The following PNO1 variants were observed in gnomAD, a reference collection of about 807,000 sequenced individuals.
PNO1 encodes RNA-binding protein PNO1.
Under a neutral mutation model 28.4 loss-of-function variants are expected in PNO1, and 16 were observed. That is an observed-to-expected ratio of 0.56 (90% CI 0.38 to 0.85). PNO1 has a LOEUF of 0.85. PNO1 is among the 40% of genes least tolerant of loss of function. The pLI is 0.00. For missense variants in PNO1, 304 were observed against 312.2 expected (o/e 0.97, Z 0.20); for synonymous variants, 115 against 110.8 (o/e 1.04, Z -0.24).
chr2:68,166,907 C>T (rs1674009794), intron 5 of PNO1, among the ~76,000 whole-genome samples: 1 of 152,186 alleles, frequency 6.6e-6, no homozygotes, highest in South Asian at 2.1e-4. Flanking sequence ...CTTGATTTCT[C>T]CGTGATCCAT....
At chr2:68,158,988 ATTTG>A (rs906052929) in intron 2 of PNO1, among the ~76,000 whole-genome samples, 1 of 152,152 alleles carries the variant, frequency 6.6e-6, no homozygotes, top group African/African-American at 2.4e-5. Flanking sequence ...GTATGTGTAT[ATTTG>A]TTTATATATT....
chr2:68,175,267 T>C lies in PNO1; in HGVS notation c.*465T>C, dbSNP rs1373351375. The C allele has an allele frequency of 1.3e-5, 2 of 152,510 alleles. No individual in the cohort carries two copies. The highest frequency in any genetic ancestry group is 2.4e-5 in the African/African-American group (1 of 41,424). The allele number at this position is 152,510 out of a possible 1,614,324, so 9.4% of individuals were successfully genotyped here. Reference sequence around the variant, plus strand: ...TTAATACTGGGTGATGTGTGAATATTTGTTTGTTGGCAGACAGGGTCTCAC... The same window carrying C: ...TTAATACTGGGTGATGTGTGAATATCTGTTTGTTGGCAGACAGGGTCTCAC... On this transcript the variant is annotated 3_prime_UTR_variant, in exon 7 of 7. Transcript: ENST00000263657.
Position 68,157,929 on chromosome 2 carries a change from C to T in PNO1, c.-6C>T, listed in dbSNP as rs754129314. On this transcript the variant is annotated 5_prime_UTR_variant, in exon 1 of 7. Coordinates refer to ENST00000263657, the MANE Select transcript of PNO1 (RefSeq NM_020143.4). ...TTCAGCCGGCAGCGCTTTAAGATTTCCGGGGATGGAATCCGAAATGGAAAC... is the reference window on the plus strand; with the variant it reads ...TTCAGCCGGCAGCGCTTTAAGATTTTCGGGGATGGAATCCGAAATGGAAAC... 1.2e-4 allele frequency: 194 copies of T among 1,613,354 alleles called. No homozygotes were observed. The highest frequency in any genetic ancestry group is 1.6e-4 in the Non-Finnish European group (189 of 1,179,690).
rs971826600 is a variant in PNO1 at position 68,161,908 on chromosome 2, G to C, written c.441+142G>C. 4 of 633,596 alleles carry C rather than the reference G, an allele frequency of 6.3e-6. No individual in the cohort carries two copies. In the Admixed American group the frequency reaches 1.1e-4, roughly 18 times the overall value. 39.2% of individuals were successfully genotyped at this position (633,596 alleles called of 1,614,324 possible). ...TCAGCACTCTGGGAGGCTGAGGCAG[G>C]TGGATCACTTGAGGCCAGGAGTTCA... On this transcript the variant is annotated intron_variant, in intron 3 of 6. Transcript: ENST00000263657.
chr2:68,169,808 C>T (rs1442950231), intron 5 of PNO1, among the ~76,000 whole-genome samples: 1 of 152,168 alleles, frequency 6.6e-6, no homozygotes, highest in East Asian at 1.9e-4. Context: ...CTTAGCTCCT[C>T]TCTGGGTTTT....
chr2:68,163,561 A>G (rs1007486853), intron 5 of PNO1, among the ~76,000 whole-genome samples: 4 of 150,854 alleles, frequency 2.7e-5, no homozygotes, highest in Non-Finnish European at 5.9e-5. Context: ...ACATACATAC[A>G]TACATACATA....
chr2:68,163,207 A>G (rs948695547), intron 5 of PNO1, among the ~76,000 whole-genome samples: 3 of 152,222 alleles, frequency 2.0e-5, no homozygotes, highest in Non-Finnish European at 2.9e-5. Flanking sequence ...AGGAAATGCT[A>G]TTAAAAGAAA....
rs772269231 is a variant in PNO1, at chr2:68,173,329, T to TC, written c.621-17dup. The stretch of plus-strand genomic sequence containing the variant: ...ATTGCATCCCAGCCACTAATTTGTC[T>TC]CATTTTATTTCTTTCAGGAAAGTTC... On this transcript the variant is annotated splice_polypyrimidine_tract_variant and intron_variant, in intron 5 of 6. Coordinates refer to ENST00000263657, the MANE Select transcript of PNO1 (RefSeq NM_020143.4). The TC allele has an allele frequency of 6.5e-7, 1 of 1,528,632 alleles. No individual in the cohort carries two copies. The highest frequency in any genetic ancestry group is 2.3e-5 in the East Asian group (1 of 44,372). The allele number at this position is 1,528,632 out of a possible 1,614,324, so 94.7% of individuals were successfully genotyped here.
intron 5 of PNO1, among the ~76,000 whole-genome samples, chr2:68,171,327 C>A (rs1002927802): frequency 2.0e-4 from 31 of 152,350 alleles, no homozygotes; most frequent in African/African-American, 7.5e-4. Flanking sequence ...ATGCTTTCTG[C>A]GTGCATTCTG....
rs567443809 is a variant in PNO1, at chr2:68,173,523, G to A, written c.691+106G>A. 2.7e-4 allele frequency: 183 copies of A among 678,296 alleles called. 1 individual carries two copies. In the South Asian group the frequency reaches 3.1e-3, roughly 11 times the overall value. 42.0% of individuals were successfully genotyped at this position (678,296 alleles called of 1,614,324 possible). ...GCAATTTAGGGTAATATTAAAGATC[G>A]CAAGTAGAAACCCTTGGGAGTTGGC... On this transcript the variant is annotated intron_variant, in intron 6 of 6. Coordinates refer to ENST00000263657, the MANE Select transcript of PNO1 (RefSeq NM_020143.4).
chr2:68,158,256 G>T, intron 1 of PNO1, 115 bp downstream of exon 1: 1 of 1,372,428 alleles, frequency 7.3e-7, no homozygotes, highest in Non-Finnish European at 1.0e-6. Context: ...GATGCTCAGA[G>T]AGAAGTGATT....
At chr2:68,162,999 TTGTATG>T (rs1255415177) in intron 5 of PNO1, among the ~76,000 whole-genome samples, 1 of 152,080 alleles carries the variant, frequency 6.6e-6, no homozygotes, top group African/African-American at 2.4e-5. Flanking sequence ...AACAGAATGG[TTGTATG>T]TGTATTTGAA....
intron 5 of PNO1, among the ~76,000 whole-genome samples, chr2:68,168,662 A>G (rs1558620994): frequency 6.6e-6 from 1 of 152,126 alleles, no homozygotes; most frequent in East Asian, 1.9e-4. Flanking sequence ...CTTGTTTACA[A>G]TTTGATATCT....
chr2:68,170,657 A>C (rs997760410), intron 5 of PNO1, among the ~76,000 whole-genome samples: 3 of 149,174 alleles, frequency 2.0e-5, no homozygotes, highest in Non-Finnish European at 4.4e-5. Flanking sequence ...CTGAGGCAGG[A>C]GAATGGCGAG....
intron 5 of PNO1, among the ~76,000 whole-genome samples, chr2:68,168,330 A>C (rs1377660536): frequency 2.0e-5 from 3 of 152,250 alleles, no homozygotes; most frequent in Non-Finnish European, 4.4e-5. Flanking sequence ...GGACAGGGAC[A>C]TGACAACTGA....
rs1330719052 is a variant in PNO1, at chr2:68,175,618, C to T, written c.*816C>T. ...GTGGTTTTGGCCATACCGTATTATA[C>T]CATATACATCAGTAAGAGCTCATCT... On this transcript the variant is annotated 3_prime_UTR_variant, in exon 7 of 7. Coordinates refer to ENST00000263657, the MANE Select transcript of PNO1 (RefSeq NM_020143.4). 1 of 149,834 alleles carries T rather than the reference C, an allele frequency of 6.7e-6. No homozygotes were observed. The highest frequency in any genetic ancestry group is 2.5e-5 in the African/African-American group (1 of 40,142). The allele number at this position is 149,834 out of a possible 1,614,324, so 9.3% of individuals were successfully genotyped here.
rs369871063 is a variant in PNO1, at chr2:68,167,662, C to CA, written c.620+5005dup. Reference sequence around the variant, plus strand: ...CAGAACAGGACGTTTTTCATCTGCACAAAAAACCTGTTCAGGCAGATATTA... The same window carrying CA: ...CAGAACAGGACGTTTTTCATCTGCACAAAAAAACCTGTTCAGGCAGATATTA... On this transcript the variant is annotated intron_variant, in intron 5 of 6. Coordinates refer to ENST00000263657, the MANE Select transcript of PNO1 (RefSeq NM_020143.4). Among the ~76,000 whole-genome samples, 489 of 152,270 alleles carry CA rather than the reference C, an allele frequency of 3.2e-3. 6 individuals carry two copies. Among genetic ancestry groups the CA allele is most frequent in the African/African-American group, 0.011 (464 of 41,552 alleles).
intron 2 of PNO1, chr2:68,161,478 C>T (rs1673829209): frequency 1.8e-6 from 1 of 550,102 alleles, no homozygotes; most frequent in East Asian, 3.3e-5. Context: ...GTGGAACAGC[C>T]AAGCTTTGGA....
intron 2 of PNO1, among the ~76,000 whole-genome samples, chr2:68,158,998 A>G (rs143448094): frequency 9.8e-5 from 15 of 152,332 alleles, no homozygotes; most frequent in East Asian, 3.9e-4. Context: ...ATTTGTTTAT[A>G]TATTTTTTTC....
Sources: allele counts gnomAD v4.1 joint callset (sites outside exome capture counted in the v4.1 genomes callset), GRCh38; gene constraint gnomAD v4.1.1; transcripts MANE v1.5; gene names NCBI Gene and HGNC (gene_info 2026-07-23, HGNC 2026-07-21).